DGKB: variants seen among roughly 807,000 people sequenced by gnomAD.
The protein encoded by DGKB is diacylglycerol kinase beta.
A neutral mutation model predicts 114.3 loss-of-function variants in DGKB; 67 were observed. The observed-to-expected ratio is 0.59, with a 90% CI of 0.48 to 0.72. The LOEUF is 0.72. DGKB is among the 30% of genes least tolerant of loss of function. The pLI is 0.00. For missense variants in DGKB, 907 were observed against 975.2 expected, an observed-to-expected ratio of 0.93 and a Z score of 0.93; for synonymous variants, 398 against 323.1, an observed-to-expected ratio of 1.23 and a Z score of -2.49.
chr7:14,603,418 CATA>C (rs1417249053), intron 17 of DGKB, among the ~76,000 whole-genome samples: 18 of 151,950 alleles, frequency 1.2e-4, no homozygotes, highest in South Asian at 6.2e-4. Context: ...GTCATAATTT[CATA>C]ACAAGAGGCA....
At chr7:14,786,289 T>A (rs1839888231) in intron 2 of DGKB, among the ~76,000 whole-genome samples, 1 of 152,202 alleles carries the variant, frequency 6.6e-6, no homozygotes. Context: ...TGTGCATGTT[T>A]GTGTGTGTGT....
intron 1 of DGKB, among the ~76,000 whole-genome samples, chr7:14,889,308 C>A (rs1432630845): frequency 1.3e-5 from 2 of 151,638 alleles, no homozygotes; most frequent in African/African-American, 4.8e-5. Flanking sequence ...TCTCAGTCAG[C>A]AAAGTGCAGA....
At chr7:14,231,995 C>T (rs1039371665) in intron 23 of DGKB, among the ~76,000 whole-genome samples, 1 of 151,996 alleles carries the variant, frequency 6.6e-6, no homozygotes, top group African/African-American at 2.4e-5. Flanking sequence ...TCCTCTTAGT[C>T]TTTCTGAGAA....
intron 12 of DGKB, among the ~76,000 whole-genome samples, chr7:14,676,586 A>G (rs1173837203): frequency 1.3e-5 from 2 of 152,104 alleles, no homozygotes; most frequent in Non-Finnish European, 2.9e-5. Context: ...AAATAAAAAA[A>G]TTAAATAAGT....
intron 17 of DGKB, among the ~76,000 whole-genome samples, chr7:14,587,294 T>G (rs1800934823): frequency 6.6e-6 from 1 of 151,984 alleles, no homozygotes; most frequent in Non-Finnish European, 1.5e-5. Context: ...AAAGTAGAAT[T>G]GTAAGTGGAG....
intron 2 of DGKB, among the ~76,000 whole-genome samples, chr7:14,795,897 T>A (rs1055452727): frequency 2.0e-5 from 3 of 152,168 alleles, no homozygotes; most frequent in African/African-American, 7.2e-5. Flanking sequence ...TGCATGAATT[T>A]CAAAAATGTT....
chr7:14,907,022 T>C (rs1463196270), upstream of DGKB, among the ~76,000 whole-genome samples: 2 of 152,206 alleles, frequency 1.3e-5, no homozygotes, highest in Non-Finnish European at 2.9e-5. Flanking sequence ...CAACTTTGGC[T>C]TTAATCATGA....
At chr7:14,683,332 T>C (rs1051108353) in intron 10 of DGKB, among the ~76,000 whole-genome samples, 2 of 152,180 alleles carry the variant, frequency 1.3e-5, no homozygotes, top group Admixed American at 6.5e-5. Context: ...AGAGATTTCA[T>C]CATACATGCC....
At chr7:14,484,180 G>A (rs1006560975) in intron 20 of DGKB, among the ~76,000 whole-genome samples, 4 of 152,034 alleles carry the variant, frequency 2.6e-5, no homozygotes, top group African/African-American at 7.2e-5. Flanking sequence ...AAAGGCATAA[G>A]AGCACATTAG....
chr7:14,771,536 C>T (rs1261953121), intron 2 of DGKB, among the ~76,000 whole-genome samples: 1 of 152,024 alleles, frequency 6.6e-6, no homozygotes, highest in Non-Finnish European at 1.5e-5. Context: ...GGACAAAGCT[C>T]TGATTTTTTT....
chr7:14,649,126 A>T (rs1418972199), intron 13 of DGKB, among the ~76,000 whole-genome samples: 1 of 104,230 alleles, frequency 9.6e-6, no homozygotes, highest in African/African-American at 3.7e-5. Flanking sequence ...CAACGTTCAG[A>T]TTCAGGAAAT....
At chr7:14,830,075 G>T (rs982261837) in intron 2 of DGKB, among the ~76,000 whole-genome samples, 1 of 152,058 alleles carries the variant, frequency 6.6e-6, no homozygotes, top group African/African-American at 2.4e-5. Flanking sequence ...GCAAAGATGA[G>T]TATGGGGAGG....
At chr7:14,811,977 C>G (rs1843503308) in intron 2 of DGKB, among the ~76,000 whole-genome samples, 1 of 152,072 alleles carries the variant, frequency 6.6e-6, no homozygotes, top group Non-Finnish European at 1.5e-5. Context: ...CTAGCAACCA[C>G]CATTCTACCT....
At chr7:14,892,915 C>T (rs75608185) in intron 1 of DGKB, among the ~76,000 whole-genome samples, 4,253 of 147,452 alleles carry the variant, frequency 0.029, 190 homozygotes, top group African/African-American at 0.096. Context: ...TATATATGTA[C>T]GCATATACAT....
At chr7:14,557,478 T>A (rs1420462743) in intron 20 of DGKB, among the ~76,000 whole-genome samples, 1 of 152,134 alleles carries the variant, frequency 6.6e-6, no homozygotes, top group African/African-American at 2.4e-5. Context: ...CCGCTCTTTT[T>A]TTCCAAGTTG....
At chr7:14,550,925 G>A (rs1015779700) in intron 20 of DGKB, among the ~76,000 whole-genome samples, 5 of 152,042 alleles carry the variant, frequency 3.3e-5, no homozygotes, top group South Asian at 2.1e-4. Context: ...TTCATCTCAC[G>A]ACTAGACAAA....
intron 4 of DGKB, among the ~76,000 whole-genome samples, chr7:14,746,139 G>C (rs1238267861): frequency 6.6e-6 from 1 of 152,158 alleles, no homozygotes; most frequent in Non-Finnish European, 1.5e-5. Flanking sequence ...AGGAGTTCAA[G>C]ACCAGCCTGG....
chr7:14,524,069 G>T (rs1790232541), intron 20 of DGKB, among the ~76,000 whole-genome samples: 1 of 152,072 alleles, frequency 6.6e-6, no homozygotes, highest in Admixed American at 6.6e-5. Flanking sequence ...TTCTCCAACT[G>T]ATGTTTTAGA....
chr7:14,312,872 T>C (rs1307470518), intron 23 of DGKB, among the ~76,000 whole-genome samples: 3 of 152,234 alleles, frequency 2.0e-5, no homozygotes, highest in Non-Finnish European at 4.4e-5. Flanking sequence ...TTGTATTTAC[T>C]AGTCTTAGCT....
Sources: gnomAD v4.1 joint callset for allele counts (sites outside exome capture counted in the v4.1 genomes callset) on GRCh38, gnomAD v4.1.1 for gene constraint, MANE v1.5 for transcripts, NCBI Gene and HGNC (gene_info 2026-07-23, HGNC 2026-07-21) for gene names.